The following EIF2AK4 variants were observed in gnomAD, a reference collection of about 807,000 sequenced individuals.
EIF2AK4 encodes the protein eukaryotic translation initiation factor 2 alpha kinase 4.
Under a neutral mutation model 211.1 loss-of-function variants are expected in EIF2AK4, and 139 were observed. The observed-to-expected ratio is 0.66, with a 90% CI of 0.57 to 0.76. The LOEUF (loss-of-function observed/expected upper bound fraction) is 0.76, where lower values mean the gene tolerates loss of function less well. Ranked by LOEUF, EIF2AK4 falls within the 30% of genes least tolerant of loss-of-function variation. The pLI is 0.00. For missense variants in EIF2AK4, 1,664 were observed against 2,043.8 expected (o/e 0.81, Z 3.58); for synonymous variants, 710 against 751.3 (o/e 0.94, Z 0.90).
intron 33 of EIF2AK4, among the ~76,000 whole-genome samples, chr15:40,027,600 C>T (rs2035480948): frequency 6.6e-6 from 1 of 152,070 alleles, no homozygotes; most frequent in African/African-American, 2.4e-5. Flanking sequence ...TAATATAATC[C>T]CATTTTGTGG....
chr15:39,967,197 A>G (rs2034555437), intron 8 of EIF2AK4, 147 bp from the exon 9 acceptor site: 1 of 879,102 alleles, frequency 1.1e-6, no homozygotes, highest in Non-Finnish European at 1.7e-6. Flanking sequence ...ATTTGAAAGT[A>G]TATTTTCTAT....
At position 39,973,017 on chromosome 15, in the gene EIF2AK4, G is replaced by A. The variant is rs370719364; in HGVS notation, c.1660+3G>A. 3.0e-5 allele frequency: 48 copies of A among 1,611,148 alleles called. No individual in the cohort carries two copies. Among genetic ancestry groups the A allele is most frequent in the Non-Finnish European group, 4.1e-5 (48 of 1,177,442 alleles). ...TCTAGTGGAACAAAGTCCTGAAGGT[G>A]AGTCTGTTACCTTTCTTTATTTGGT... On this transcript the variant is annotated splice_donor_region_variant and intron_variant, in intron 10 of 38. Transcript: ENST00000263791.
chr15:39,976,345 T>C (rs2034691553), intron 11 of EIF2AK4, 69 bp from the exon 12 acceptor site: 3 of 1,485,274 alleles, frequency 2.0e-6, no homozygotes, highest in East Asian at 4.8e-5. Context: ...TGGGAGGGGA[T>C]GGGGTGCGGT....
At chr15:40,007,467 G>A (rs940383123) in intron 24 of EIF2AK4, among the ~76,000 whole-genome samples, 5 of 152,138 alleles carry the variant, frequency 3.3e-5, no homozygotes, top group African/African-American at 1.2e-4. Flanking sequence ...ACAGGTAACC[G>A]AACAAAAGCT....
chr15:39,999,779 T>C (rs1193343544), intron 20 of EIF2AK4, among the ~76,000 whole-genome samples: 1 of 152,238 alleles, frequency 6.6e-6, no homozygotes, highest in Non-Finnish European at 1.5e-5. Context: ...GTAGCTATTA[T>C]TGTTTCTGGG....
intron 20 of EIF2AK4, among the ~76,000 whole-genome samples, chr15:40,000,106 T>C (rs2035070940): frequency 6.6e-6 from 1 of 152,202 alleles, no homozygotes; most frequent in Non-Finnish European, 1.5e-5. Context: ...CATGCACATT[T>C]ACCAGTACAG....
Position 40,022,608 on chromosome 15 carries a change from A to G in EIF2AK4, c.4389+3A>G, listed in dbSNP as rs2035406519. 3.7e-6 allele frequency: 6 copies of G among 1,613,940 alleles called. No individual in the cohort carries two copies. Among genetic ancestry groups the G allele is most frequent in the Non-Finnish European group, 5.1e-6 (6 of 1,179,812 alleles). On this transcript the variant is annotated splice_donor_region_variant and intron_variant, in intron 32 of 38. Transcript: ENST00000263791. ...ATAAAGAAGGAAGCCATGTCAAGGT[A>G]AAGACGTCAGAGATTTTTTACAATT...
At chr15:39,951,895 G>C (rs962046734) in intron 4 of EIF2AK4, among the ~76,000 whole-genome samples, 4 of 152,192 alleles carry the variant, frequency 2.6e-5, no homozygotes, top group African/African-American at 7.2e-5. Flanking sequence ...CAATTCTCAA[G>C]TGCATCTTAA....
rs189764061 is a variant in EIF2AK4 at position 40,011,970 on chromosome 15, A to G, written c.3759+624A>G. On this transcript the variant is annotated intron_variant, in intron 27 of 38. Transcript: ENST00000263791. ...TAATTGAGTAGCTGAACAACAGAAT[A>G]CAACAGGGATTTTGTACATTTTCCT... Among the ~76,000 whole-genome samples the G allele has an allele frequency of 1.1e-4, 16 of 152,340 alleles. No homozygotes were observed. The East Asian group carries it at 3.1e-3, about 29-fold the overall frequency.
At chr15:39,990,806 G>C (rs564138929) in intron 16 of EIF2AK4, among the ~76,000 whole-genome samples, 1 of 152,238 alleles carries the variant, frequency 6.6e-6, no homozygotes, top group Non-Finnish European at 1.5e-5. Flanking sequence ...TGGCATTTCA[G>C]ATGTCCTTAA....
chr15:39,998,139 C>T (rs372566053), intron 19 of EIF2AK4, among the ~76,000 whole-genome samples: 3 of 152,028 alleles, frequency 2.0e-5, no homozygotes, highest in East Asian at 3.8e-4. Flanking sequence ...TGATTATGTC[C>T]TTAATGAAGT....
At chr15:39,969,620 A>G (rs1355242233) in intron 9 of EIF2AK4, among the ~76,000 whole-genome samples, 1 of 152,142 alleles carries the variant, frequency 6.6e-6, no homozygotes, top group Non-Finnish European at 1.5e-5. Flanking sequence ...TCGGCCTCCC[A>G]AAGTGCTGGG....
intron 14 of EIF2AK4, among the ~76,000 whole-genome samples, chr15:39,987,531 C>A (rs1323516019): frequency 6.6e-6 from 1 of 152,136 alleles, no homozygotes; most frequent in Non-Finnish European, 1.5e-5. Flanking sequence ...CCCAAGAAGA[C>A]TTGAATGTTT....
intron 16 of EIF2AK4, among the ~76,000 whole-genome samples, chr15:39,990,934 C>T (rs1030637089): frequency 2.6e-5 from 4 of 152,152 alleles, no homozygotes; most frequent in African/African-American, 7.2e-5. Context: ...ACTTGGCTGT[C>T]GGAAGACCAG....
At chr15:39,977,118 G>A (rs977946200) in intron 12 of EIF2AK4, 12 of 356,004 alleles carry the variant, frequency 3.4e-5, no homozygotes, top group African/African-American at 1.4e-4. Flanking sequence ...AAATCCAGAC[G>A]TGTTGACCAT....
intron 7 of EIF2AK4, among the ~76,000 whole-genome samples, chr15:39,964,544 A>G (rs1250436755): frequency 2.0e-5 from 3 of 152,182 alleles, no homozygotes; most frequent in African/African-American, 7.2e-5. Flanking sequence ...GCTGCCTACA[A>G]CAAAGATTAC....
At chr15:39,956,069 G>A (rs1041082575) in intron 6 of EIF2AK4, among the ~76,000 whole-genome samples, 1 of 148,980 alleles carries the variant, frequency 6.7e-6, no homozygotes, top group Non-Finnish European at 1.5e-5. Context: ...GCAATGGCAC[G>A]GGCTCAGCTC....
chr15:40,033,362 T>C (rs2035568812), intron 37 of EIF2AK4, among the ~76,000 whole-genome samples: 1 of 152,232 alleles, frequency 6.6e-6, no homozygotes, highest in Non-Finnish European at 1.5e-5. Context: ...CAAAATCCTT[T>C]TGTAAAAATT....
Position 39,976,506 on chromosome 15 carries a change from G to T in EIF2AK4, c.1911G>T (p.Val637=), listed in dbSNP as rs1296485938. Reference sequence around the variant, plus strand: ...AGTTCCGCAGGATCAAGGGCGAAGTGACACTGCTGTCACGGCTGCACCATG... The same window carrying T: ...AGTTCCGCAGGATCAAGGGCGAAGTTACACTGCTGTCACGGCTGCACCATG... ...SRQFRRIKGE[V]TLLSRLHHEN... The change falls in exon 12 of 39, where the codon GTG becomes GTT. Residue 637 remains valine, a synonymous_variant. Transcript: ENST00000263791. The T allele has an allele frequency of 1.2e-6, 2 of 1,612,362 alleles. No homozygotes were observed. The highest frequency in any genetic ancestry group is 1.7e-6 in the Non-Finnish European group (2 of 1,179,750).
Sources: gnomAD v4.1 joint callset for allele counts (sites outside exome capture counted in the v4.1 genomes callset) on GRCh38, gnomAD v4.1.1 for gene constraint, MANE v1.5 for transcripts, NCBI Gene and HGNC (gene_info 2026-07-23, HGNC 2026-07-21) for gene names.